The following TRMT9B variants were observed in gnomAD, a reference collection of about 807,000 sequenced individuals.
TRMT9B encodes the protein probable tRNA methyltransferase 9B.
TRMT9B carries 16 observed loss-of-function variants against 11.5 expected under a neutral mutation model. The observed-to-expected ratio is 1.39, with a 90% confidence interval of 0.94 to 2.11. The LOEUF (loss-of-function observed/expected upper bound fraction) is 2.11. Ranked by LOEUF, TRMT9B falls within the 30% of genes most tolerant of loss-of-function variation. The pLI, the probability that TRMT9B is intolerant of heterozygous loss-of-function variation, is 0.00. For synonymous variants in TRMT9B, 274 were observed against 192.4 expected (o/e 1.42, Z -3.51); for missense variants, 941 against 553.8 (o/e 1.70, Z -7.02).
chr8:12,977,893 G>A (rs987250270), intron 1 of TRMT9B, among the ~76,000 whole-genome samples: 5 of 151,958 alleles, frequency 3.3e-5, no homozygotes, highest in East Asian at 1.9e-4. Context: ...GCCAGGTGCC[G>A]TGGCATGTGC....
chr8:13,022,609 C>G lies in TRMT9B; in HGVS notation c.*565C>G, dbSNP rs578055752. The G allele has an allele frequency of 6.0e-6, 1 of 167,090 alleles. No individual in the cohort carries two copies. Among genetic ancestry groups the G allele is most frequent in the African/African-American group, 2.4e-5 (1 of 41,450 alleles). 10.4% of individuals were successfully genotyped at this position (167,090 alleles called of 1,614,324 possible). A position where few individuals can be genotyped will look rare whatever the true frequency, so the allele number is the denominator to read the frequency against. ...CAGTGGAGAGAAACAAGAAGTTTTA[C>G]AAGGACTTTACTAAATTATAAGCAA... On this transcript the variant is annotated 3_prime_UTR_variant, in exon 5 of 5. Coordinates refer to ENST00000524591, the MANE Select transcript of TRMT9B (RefSeq NM_020844.3).
intron 2 of TRMT9B, among the ~76,000 whole-genome samples, chr8:13,002,728 A>G (rs908574444): frequency 6.6e-6 from 1 of 152,198 alleles, no homozygotes; most frequent in African/African-American, 2.4e-5. Flanking sequence ...TCATTGGTAG[A>G]TGCTAAAACT....
At chr8:12,993,057 A>G (rs1807658576) in intron 2 of TRMT9B, among the ~76,000 whole-genome samples, 1 of 152,174 alleles carries the variant, frequency 6.6e-6, no homozygotes, top group East Asian at 1.9e-4. Context: ...AGACCTGAAT[A>G]AGGTCCTGAG....
chr8:12,978,086 A>G (rs1470013035), intron 1 of TRMT9B, among the ~76,000 whole-genome samples: 3 of 152,196 alleles, frequency 2.0e-5, no homozygotes, highest in African/African-American at 7.2e-5. Flanking sequence ...TCAGGCTGAA[A>G]GGACCAGGGG....
chr8:13,011,275 C>A lies in TRMT9B; in HGVS notation c.155-1409C>A, dbSNP rs755650666. The A allele has an allele frequency of 1.7e-5, 17 of 984,528 alleles. 1 individual carries two copies. The highest frequency in any genetic ancestry group is 2.0e-5 in the Non-Finnish European group (17 of 829,332). The allele number at this position is 984,528 out of a possible 1,614,324, so 61.0% of individuals were successfully genotyped here. A position where few individuals can be genotyped will look rare whatever the true frequency, so the allele number is the denominator to read the frequency against. The stretch of plus-strand genomic sequence containing the variant: ...TGCTAGGATTATAGGCATGAGCCAC[C>A]GCGCCAGACCCCAAATTTTATTTTT... On this transcript the variant is annotated intron_variant, in intron 3 of 4. Coordinates refer to ENST00000524591, the MANE Select transcript of TRMT9B (RefSeq NM_020844.3).
Position 13,006,442 on chromosome 8 carries a change from A to T in TRMT9B, c.154+86A>T, listed in dbSNP as rs577841163. ...AACCAGGCAGCCTCATCGCTGACATAGGTAACCAGGCAGCCTCATTGCTGT... is the reference window on the plus strand; with the variant it reads ...AACCAGGCAGCCTCATCGCTGACATTGGTAACCAGGCAGCCTCATTGCTGT... On this transcript the variant is annotated intron_variant, in intron 3 of 4. Transcript: ENST00000524591. The T allele has an allele frequency of 1.1e-4, 167 of 1,556,552 alleles. 1 individual carries two copies. In the South Asian group the frequency reaches 2.0e-3, roughly 18 times the overall value.
rs558958406 is a variant in TRMT9B at position 13,001,628 on chromosome 8, C to G, written c.-1-4574C>G. On this transcript the variant is annotated intron_variant, in intron 2 of 4. Transcript: ENST00000524591. ...TACAGAATATTATTTCCTAAAAAGA[C>G]AAGAGGTGTTTAAAGACAGAAAGAG... Among the ~76,000 whole-genome samples the G allele has an allele frequency of 2.0e-5, 3 of 152,184 alleles. No individual in the cohort carries two copies. In the East Asian group the frequency reaches 5.8e-4, roughly 29 times the overall value.
intron 3 of TRMT9B, 170 bp from the exon 4 acceptor site, chr8:13,012,514 G>A: frequency 1.2e-6 from 1 of 814,256 alleles, no homozygotes; most frequent in Non-Finnish European, 1.7e-6. Context: ...GGCAGAGGTT[G>A]CAGTGAACCG....
chr8:12,986,931 A>G (rs530510187), intron 1 of TRMT9B, among the ~76,000 whole-genome samples: 1 of 152,194 alleles, frequency 6.6e-6, no homozygotes, highest in Admixed American at 6.5e-5. Flanking sequence ...AGTCTACACT[A>G]CTGCCAGAGG....
intron 1 of TRMT9B, among the ~76,000 whole-genome samples, chr8:12,987,461 C>A (rs1806518760): frequency 6.6e-6 from 1 of 152,128 alleles, no homozygotes; most frequent in Non-Finnish European, 1.5e-5. Flanking sequence ...GAGGCCAAGG[C>A]AGGAGGACTG....
At position 13,021,653 on chromosome 8, in the gene TRMT9B, G is replaced by C; in HGVS notation, c.974G>C (p.Arg325Thr). ...TCTGGAAAACACTTGGAGTGGCTGAGAGCACCAGGCACTCTGAAACATTTA... is the reference window on the plus strand; with the variant it reads ...TCTGGAAAACACTTGGAGTGGCTGACAGCACCAGGCACTCTGAAACATTTA... ...SSSGKHLEWL[R>T]APGTLKHLNG... The change falls in exon 5 of 5, where the codon AGA becomes ACA. Residue 325 changes from arginine (R) to threonine (T), a missense_variant. Physicochemically the swap from Arg to Thr is moderately conservative, Grantham distance 71. Transcript: ENST00000524591. The C allele has an allele frequency of 6.2e-7, 1 of 1,613,832 alleles. No homozygotes were observed. The highest frequency in any genetic ancestry group is 8.5e-7 in the Non-Finnish European group (1 of 1,179,794).
intron 1 of TRMT9B, among the ~76,000 whole-genome samples, chr8:12,959,726 G>T (rs1193437049): frequency 6.6e-6 from 1 of 151,816 alleles, no homozygotes; most frequent in Non-Finnish European, 1.5e-5. Context: ...TCACAAAAAG[G>T]CTACTTTGCC....
Position 13,022,087 on chromosome 8 carries a change from C to A in TRMT9B, c.*43C>A, listed in dbSNP as rs1243464422. 1.4e-6 allele frequency: 2 copies of A among 1,405,220 alleles called. No individual in the cohort carries two copies. Among genetic ancestry groups the A allele is most frequent in the South Asian group, 1.4e-5 (1 of 69,946 alleles). The allele number at this position is 1,405,220 out of a possible 1,614,324, so 87.0% of individuals were successfully genotyped here. A position where few individuals can be genotyped will look rare whatever the true frequency, so the allele number is the denominator to read the frequency against. On this transcript the variant is annotated 3_prime_UTR_variant, in exon 5 of 5. Coordinates refer to ENST00000524591, the MANE Select transcript of TRMT9B (RefSeq NM_020844.3). ...ACTCCTCCAAAAGATGAACCACATT[C>A]TTTCCTCTTGGTTTGATATGGTTAC...
At chr8:12,975,906 T>G (rs2128870630) in intron 1 of TRMT9B, among the ~76,000 whole-genome samples, 1 of 151,552 alleles carries the variant, frequency 6.6e-6, no homozygotes, top group East Asian at 1.9e-4. Context: ...CCATAAAGAG[T>G]AAAAGTTGGG....
chr8:12,963,316 C>T (rs539689130), intron 1 of TRMT9B, among the ~76,000 whole-genome samples: 4 of 152,064 alleles, frequency 2.6e-5, no homozygotes, highest in Admixed American at 2.6e-4. Flanking sequence ...GTCTGTAATC[C>T]CCGCTACTCA....
chr8:13,008,885 C>T lies in TRMT9B; in HGVS notation c.154+2529C>T, dbSNP rs1283142117. The stretch of plus-strand genomic sequence containing the variant: ...CTGGGACTACAGTTGCCCGCCACCA[C>T]GCCCAGCTAATTTTTTGTATTTTTA... On this transcript the variant is annotated intron_variant, in intron 3 of 4. Coordinates refer to ENST00000524591, the MANE Select transcript of TRMT9B (RefSeq NM_020844.3). Among the ~76,000 whole-genome samples, 3 of 152,214 alleles carry T rather than the reference C, an allele frequency of 2.0e-5. No homozygotes were observed. The East Asian group carries it at 5.8e-4, about 29-fold the overall frequency.
rs1297257925 is a variant in TRMT9B at position 12,991,010 on chromosome 8, C to T, written c.-23C>T. On this transcript the variant is annotated 5_prime_UTR_variant, in exon 2 of 5. Coordinates refer to ENST00000524591, the MANE Select transcript of TRMT9B (RefSeq NM_020844.3). Reference sequence around the variant, plus strand: ...TTCACAAAGACAAGAGGTAATTTTCCTGTAATCACAGGATGACTCAGGTTA... The same window carrying T: ...TTCACAAAGACAAGAGGTAATTTTCTTGTAATCACAGGATGACTCAGGTTA... 7.9e-7 allele frequency: 1 copy of T among 1,272,510 alleles called. No individual in the cohort carries two copies. Among genetic ancestry groups the T allele is most frequent in the African/African-American group, 1.5e-5 (1 of 65,540 alleles). The allele number at this position is 1,272,510 out of a possible 1,614,324, so 78.8% of individuals were successfully genotyped here. A position where few individuals can be genotyped will look rare whatever the true frequency, so the allele number is the denominator to read the frequency against.
At chr8:12,969,719 T>C (rs187863305) in intron 1 of TRMT9B, among the ~76,000 whole-genome samples, 59 of 152,136 alleles carry the variant, frequency 3.9e-4, no homozygotes, top group Non-Finnish European at 5.9e-4. Context: ...GGCTGGAGTG[T>C]AGAGTGCACT....
At chr8:12,971,918 A>G (rs1323542769) in intron 1 of TRMT9B, among the ~76,000 whole-genome samples, 1 of 152,166 alleles carries the variant, frequency 6.6e-6, no homozygotes, top group African/African-American at 2.4e-5. Flanking sequence ...AGTGAACCAA[A>G]AAAAACCCTA....
Sources: allele counts gnomAD v4.1 joint callset (sites outside exome capture counted in the v4.1 genomes callset), GRCh38; gene constraint gnomAD v4.1.1; transcripts MANE v1.5; gene names NCBI Gene and HGNC (gene_info 2026-07-23, HGNC 2026-07-21).